Variants in TSHZ3 observed in about 807,000 individuals in gnomAD.
TSHZ3 encodes the protein teashirt homolog 3.
A neutral mutation model predicts 64.5 loss-of-function variants in TSHZ3; 10 were observed. The ratio of observed to expected loss-of-function variants is 0.16; its 90% CI spans 0.10 to 0.26. The LOEUF (loss-of-function observed/expected upper bound fraction) is 0.26. TSHZ3 is among the 10% of genes least tolerant of loss of function. The pLI is 1.00. For synonymous variants in TSHZ3, 608 were observed against 593.1 expected (o/e 1.03, Z -0.36); for missense variants, 1,242 against 1,421.7 (o/e 0.87, Z 2.03).
downstream of TSHZ3, among the ~76,000 whole-genome samples, chr19:31,274,742 C>T (rs1029596080): frequency 7.9e-5 from 12 of 151,732 alleles, no homozygotes; most frequent in African/African-American, 2.7e-4. Flanking sequence ...AGATCCTATT[C>T]GAGCTGCCTC....
intron 1 of TSHZ3, among the ~76,000 whole-genome samples, chr19:31,342,755 G>A (rs1917474670): frequency 6.6e-6 from 1 of 152,084 alleles, no homozygotes; most frequent in Non-Finnish European, 1.5e-5. Flanking sequence ...TTCCACTTTG[G>A]GAAACAAATA....
chr19:31,308,142 C>G (rs919547427), intron 1 of TSHZ3, among the ~76,000 whole-genome samples: 1 of 152,084 alleles, frequency 6.6e-6, no homozygotes, highest in Non-Finnish European at 1.5e-5. Context: ...TAATGTTCTG[C>G]CTCCCACTCC....
At chr19:31,342,835 A>C (rs1044898543) in intron 1 of TSHZ3, among the ~76,000 whole-genome samples, 7 of 152,234 alleles carry the variant, frequency 4.6e-5, no homozygotes, top group Non-Finnish European at 8.8e-5. Flanking sequence ...ACCACAGAGG[A>C]AAAAGAAGAA....
chr19:31,293,030 A>AATCC (rs1042589257), intron 1 of TSHZ3, among the ~76,000 whole-genome samples: 6 of 121,040 alleles, frequency 5.0e-5, no homozygotes, highest in South Asian at 2.7e-4. Context: ...TCCATCCAAA[A>AATCC]ATCCATCCAT....
intron 5 of TSHZ3, among the ~76,000 whole-genome samples, chr19:31,182,662 C>T (rs914949546): frequency 3.3e-5 from 5 of 152,164 alleles, no homozygotes; most frequent in Non-Finnish European, 5.9e-5. Flanking sequence ...TCAACTTTCC[C>T]TTTAGAATGG....
intron 4 of TSHZ3, among the ~76,000 whole-genome samples, chr19:31,218,049 G>A (rs1975355257): frequency 6.6e-6 from 1 of 151,984 alleles, no homozygotes; most frequent in Admixed American, 6.6e-5. Flanking sequence ...ATGATAAGCT[G>A]GACTTAATTA....
intron 1 of TSHZ3, among the ~76,000 whole-genome samples, chr19:31,299,213 C>G (rs1201289010): frequency 6.6e-6 from 1 of 152,162 alleles, no homozygotes; most frequent in Non-Finnish European, 1.5e-5. Flanking sequence ...GTGTGACACA[C>G]AACCGCATGG....
chr19:31,239,042 T>G (rs1029253518), intron 3 of TSHZ3, among the ~76,000 whole-genome samples: 3 of 152,186 alleles, frequency 2.0e-5, no homozygotes, highest in Non-Finnish European at 4.4e-5. Context: ...TTTGTGTGCT[T>G]GATGTAGGGC....
chr19:31,227,998 A>T (rs1432225219), intron 4 of TSHZ3, among the ~76,000 whole-genome samples: 1 of 152,156 alleles, frequency 6.6e-6, no homozygotes, highest in Non-Finnish European at 1.5e-5. Flanking sequence ...TAAAACCATC[A>T]TCTTACCTGG....
rs149741747 is a variant in TSHZ3 at position 31,257,245 on chromosome 19, G to A, written n.64-14370C>T. Among the ~76,000 whole-genome samples, 276 of 152,300 alleles carry A rather than the reference G, an allele frequency of 1.8e-3. 1 individual carries two copies. Among genetic ancestry groups the A allele is most frequent in the South Asian group, 0.011 (52 of 4,828 alleles). On this transcript the variant is annotated intron_variant and non_coding_transcript_variant, in intron 1 of 6. Transcript: ENST00000651361. ...GGTGGCGAGGGAGCAGGACGGTGCC[G>A]TGGGGAACTGTGTGCTCAGAAGCTA...
At chr19:31,201,671 C>T (rs890030240) in intron 5 of TSHZ3, among the ~76,000 whole-genome samples, 1 of 152,136 alleles carries the variant, frequency 6.6e-6, no homozygotes, top group Non-Finnish European at 1.5e-5. Context: ...CACGAGTGGC[C>T]GCCACTGTAT....
At chr19:31,298,648 T>C (rs987006749) in intron 1 of TSHZ3, among the ~76,000 whole-genome samples, 2 of 152,096 alleles carry the variant, frequency 1.3e-5, no homozygotes, top group African/African-American at 4.8e-5. Context: ...CTTCTGCACA[T>C]GATCGCTGCC....
At chr19:31,265,246 A>G (rs1430774406) in intron 1 of TSHZ3, among the ~76,000 whole-genome samples, 2 of 151,638 alleles carry the variant, frequency 1.3e-5, no homozygotes, top group African/African-American at 2.4e-5. Flanking sequence ...AAAATATGAA[A>G]ATTAGCCGGG....
intron 1 of TSHZ3, among the ~76,000 whole-genome samples, chr19:31,322,287 C>T (rs1039224246): frequency 1.3e-5 from 2 of 152,094 alleles, no homozygotes; most frequent in African/African-American, 2.4e-5. Context: ...AGGTTCCCGG[C>T]CAACACACCT....
intron 1 of TSHZ3, among the ~76,000 whole-genome samples, chr19:31,343,079 G>T (rs574094083): frequency 2.0e-5 from 3 of 152,274 alleles, no homozygotes; most frequent in African/African-American, 7.2e-5. Flanking sequence ...TCTTAGCGAG[G>T]TGACCAGGAA....
intron 1 of TSHZ3, among the ~76,000 whole-genome samples, chr19:31,243,223 C>T (rs914660615): frequency 6.6e-6 from 1 of 152,166 alleles, no homozygotes; most frequent in South Asian, 2.1e-4. Context: ...GTACTTCATA[C>T]CTGTCATTGA....
At chr19:31,321,651 G>T (rs1350224187) in intron 1 of TSHZ3, among the ~76,000 whole-genome samples, 1 of 152,150 alleles carries the variant, frequency 6.6e-6, no homozygotes, top group Non-Finnish European at 1.5e-5. Context: ...ACAACAGCAG[G>T]CCCGACGTGG....
intron 1 of TSHZ3, among the ~76,000 whole-genome samples, chr19:31,264,782 A>AT (rs1032815030): frequency 6.0e-5 from 9 of 151,098 alleles, no homozygotes; most frequent in Non-Finnish European, 8.8e-5. Context: ...CATGGGTCAC[A>AT]TTTTGCAACC....
intron 5 of TSHZ3, among the ~76,000 whole-genome samples, chr19:31,202,478 T>C (rs531848825): frequency 6.6e-6 from 1 of 152,324 alleles, no homozygotes; most frequent in Non-Finnish European, 1.5e-5. Context: ...ATTTTCTATT[T>C]AAAAAGAGTT....
Sources: allele counts gnomAD v4.1 joint callset (sites outside exome capture counted in the v4.1 genomes callset), GRCh38; gene constraint gnomAD v4.1.1; transcripts MANE v1.5; gene names NCBI Gene and HGNC (gene_info 2026-07-23, HGNC 2026-07-21).